DNAH7: variants seen among roughly 807,000 people sequenced by gnomAD.
DNAH7 encodes axonemal beta dynein heavy chain 7.
In DNAH7, 397 loss-of-function variants were observed where a neutral mutation model predicts 444.6. The observed-to-expected ratio is 0.89, with a 90% confidence interval of 0.82 to 0.97. The LOEUF (loss-of-function observed/expected upper bound fraction) is 0.97. Among genes scored for constraint, DNAH7 ranks in the 50% least tolerant of loss-of-function variants. The pLI, the probability that DNAH7 is intolerant of heterozygous loss-of-function variation, is 0.00. For synonymous variants in DNAH7, 1,636 were observed against 1,624.4 expected (o/e 1.01, Z -0.17); for missense variants, 4,902 against 4,800.8 (o/e 1.02, Z -0.62).
At chr2:195,972,593 G>T in intron 15 of DNAH7, 127 bp from the exon 16 acceptor site, 1 of 652,742 alleles carries the variant, frequency 1.5e-6, no homozygotes, top group South Asian at 2.1e-5. Context: ...TTCAAAATCA[G>T]GGACTACAGC....
At position 195,889,347 on chromosome 2, in the gene DNAH7, T is replaced by C. The variant is rs183420246; in HGVS notation, c.5047-366A>G. Among the ~76,000 whole-genome samples, 95 of 143,406 alleles carry C rather than the reference T, an allele frequency of 6.6e-4. 1 individual carries two copies. The East Asian group carries it at 0.017, about 25-fold the overall frequency. The allele number at this position is 143,406 out of a possible 152,430, so 94.1% of individuals were successfully genotyped here. A position where few individuals can be genotyped will look rare whatever the true frequency, so the allele number is the denominator to read the frequency against. On this transcript the variant is annotated intron_variant, in intron 31 of 64. Coordinates refer to ENST00000312428, the MANE Select transcript of DNAH7 (RefSeq NM_018897.3). ...TTTTCTTTTTTTTTCAGGGTCTCAC[T>C]CTGTTGTCCAGGCTGGAGGGCAGAG...
intron 12 of DNAH7, among the ~76,000 whole-genome samples, chr2:195,993,656 G>A (rs1289266276): frequency 1.3e-5 from 2 of 152,172 alleles, no homozygotes; most frequent in Admixed American, 6.5e-5. Context: ...GGGTTTTGAG[G>A]AAGTTTTGTG....
chr2:195,784,903 T>C (rs887689891), intron 58 of DNAH7, among the ~76,000 whole-genome samples: 17 of 144,108 alleles, frequency 1.2e-4, no homozygotes, highest in African/African-American at 4.3e-4. Flanking sequence ...TCTGTTAATA[T>C]CTTTGACCCT....
At chr2:195,870,015 T>C (rs544292109) in intron 40 of DNAH7, among the ~76,000 whole-genome samples, 1 of 152,174 alleles carries the variant, frequency 6.6e-6, no homozygotes, top group Non-Finnish European at 1.5e-5. Context: ...CTAACACATA[T>C]ACAATAGCAC....
intron 5 of DNAH7, among the ~76,000 whole-genome samples, chr2:196,047,127 C>T (rs531842229): frequency 1.3e-5 from 2 of 152,292 alleles, no homozygotes; most frequent in African/African-American, 4.8e-5. Context: ...ATTCAGCCAA[C>T]ATTAAGTATT....
chr2:196,001,862 G>A lies in DNAH7; in HGVS notation c.990-4C>T. On this transcript the variant is annotated splice_polypyrimidine_tract_variant and splice_region_variant and intron_variant, in intron 10 of 64. Transcript: ENST00000312428. ...ATTCTGCACTTCTGGAAACCACCTT[G>A]AAAGAACAAAAGACTTTTAAAAGTC... 1 of 1,595,658 alleles carries A rather than the reference G, an allele frequency of 6.3e-7. No homozygotes were observed. The highest frequency in any genetic ancestry group is 8.5e-7 in the Non-Finnish European group (1 of 1,172,978).
chr2:196,016,942 T>C (rs1695055741), intron 9 of DNAH7, among the ~76,000 whole-genome samples: 1 of 152,168 alleles, frequency 6.6e-6, no homozygotes. Flanking sequence ...CTGAAATATA[T>C]ACACGAGATT....
chr2:195,862,308 T>C (rs1700066290), intron 41 of DNAH7, among the ~76,000 whole-genome samples: 2 of 152,212 alleles, frequency 1.3e-5, no homozygotes, highest in Non-Finnish European at 2.9e-5. Context: ...CTGAGAATGA[T>C]GTAGGCATTA....
At chr2:196,020,438 T>G (rs73987661) in intron 8 of DNAH7, among the ~76,000 whole-genome samples, 1,584 of 152,220 alleles carry the variant, frequency 0.01, 27 homozygotes, top group African/African-American at 0.035. Context: ...ACATTTTCTG[T>G]GTATATAGTA....
chr2:195,850,205 G>C (rs1699269445), intron 46 of DNAH7, among the ~76,000 whole-genome samples: 1 of 151,574 alleles, frequency 6.6e-6, no homozygotes, highest in Non-Finnish European at 1.5e-5. Flanking sequence ...CTCCGAACAA[G>C]CATCTCAAAA....
intron 28 of DNAH7, among the ~76,000 whole-genome samples, chr2:195,898,149 T>C (rs968563903): frequency 3.9e-5 from 6 of 152,222 alleles, no homozygotes; most frequent in Admixed American, 6.5e-5. Flanking sequence ...GGCAATCATT[T>C]TGAAAAGAGG....
intron 55 of DNAH7, among the ~76,000 whole-genome samples, 182 bp from the exon 56 acceptor site, chr2:195,796,919 A>T (rs1458653912): frequency 6.6e-6 from 1 of 152,246 alleles, no homozygotes; most frequent in African/African-American, 2.4e-5. Context: ...ACTTCGATAA[A>T]AAGCAAGTCA....
At chr2:195,777,736 TATC>T (rs1299715141) in intron 59 of DNAH7, 61 bp downstream of exon 59, 27 of 1,498,434 alleles carry the variant, frequency 1.8e-5, no homozygotes, top group Non-Finnish European at 2.4e-5. Context: ...ATTTAAAAAA[TATC>T]ATCACTACCA....
chr2:195,861,973 T>A, intron 41 of DNAH7, 27 bp from the exon 42 acceptor site: 1 of 1,561,294 alleles, frequency 6.4e-7, no homozygotes, highest in Non-Finnish European at 8.8e-7. Flanking sequence ...TGCTTTAGCA[T>A]TTTATTAAGA....
chr2:195,904,607 GT>G (rs566368373), intron 27 of DNAH7: 279 of 152,282 alleles, frequency 1.8e-3, no homozygotes, highest in African/African-American at 6.0e-3. Flanking sequence ...TGGTAGCACT[GT>G]GATGGGGAAT....
intron 63 of DNAH7, among the ~76,000 whole-genome samples, chr2:195,749,165 C>G (rs10931709): frequency 0.66 from 100,771 of 151,968 alleles, 33,935 homozygotes; most frequent in Non-Finnish European, 0.73. Flanking sequence ...TCAAAAAGTG[C>G]GTGAAGGACA....
chr2:195,956,269 G>C (rs1223196684), intron 19 of DNAH7, among the ~76,000 whole-genome samples: 1 of 151,778 alleles, frequency 6.6e-6, no homozygotes, highest in Admixed American at 6.6e-5. Flanking sequence ...TACCAATGCA[G>C]AAGTTTATAT....
chr2:195,978,630 T>C (rs1213436941), intron 15 of DNAH7, among the ~76,000 whole-genome samples: 1 of 152,020 alleles, frequency 6.6e-6, no homozygotes, highest in Non-Finnish European at 1.5e-5. Context: ...AACATAGCCT[T>C]GCTGAATGGA....
intron 30 of DNAH7, chr2:195,892,499 C>G (rs1300466946): frequency 1.4e-5 from 2 of 145,370 alleles, no homozygotes; most frequent in African/African-American, 5.1e-5. Flanking sequence ...TTTTAATTAA[C>G]TGGCTTTTTA....
Sources: allele counts gnomAD v4.1 joint callset (sites outside exome capture counted in the v4.1 genomes callset), GRCh38; gene constraint gnomAD v4.1.1; transcripts MANE v1.5; gene names NCBI Gene and HGNC (gene_info 2026-07-23, HGNC 2026-07-21).